Variants in CHGB observed in about 807,000 individuals in gnomAD.
CHGB encodes the protein secretogranin-1.
A neutral mutation model predicts 69.9 loss-of-function variants in CHGB; 46 were observed. That is an observed-to-expected ratio of 0.66 (90% confidence interval 0.52 to 0.84). CHGB has a LOEUF of 0.84. Among genes scored for constraint, CHGB ranks in the 40% least tolerant of loss-of-function variants. The pLI is 0.00. For synonymous variants in CHGB, 312 were observed against 298.2 expected, an observed-to-expected ratio of 1.05 and a Z score of -0.48; for missense variants, 796 against 822.2, an observed-to-expected ratio of 0.97 and a Z score of 0.39.
Position 5,923,602 on chromosome 20 carries a change from G to A in CHGB, c.1458G>A (p.Gln486=). Residue 486 remains glutamine (Q), a synonymous_variant, in exon 4 of 5, where the codon CAG becomes CAA. Transcript: ENST00000378961. The stretch of plus-strand genomic sequence containing the variant: ...GAGCCCCAGGGAAGTGGCAGCAGCA[G>A]GGAGACCTGCAGGACACTAAAGAAA... The part of the protein sequence containing the change: ...EEGAPGKWQQ[Q]GDLQDTKENR... 2 of 1,614,106 alleles carry A rather than the reference G, an allele frequency of 1.2e-6. No individual in the cohort carries two copies.
chr20:5,918,774 G>A (rs1284679770), intron 3 of CHGB, among the ~76,000 whole-genome samples: 5 of 117,150 alleles, frequency 4.3e-5, no homozygotes, highest in African/African-American at 1.3e-4. Flanking sequence ...ATTGCCCCAC[G>A]GCATTCCAGC....
rs2088543622 is a variant in CHGB, at chr20:5,925,277, A to G, written c.*228A>G. 1 of 375,102 alleles carries G rather than the reference A, an allele frequency of 2.7e-6. No individual in the cohort carries two copies. The highest frequency in any genetic ancestry group is 4.9e-6 in the Non-Finnish European group (1 of 205,784). The allele number at this position is 375,102 out of a possible 1,614,324, so 23.2% of individuals were successfully genotyped here. On this transcript the variant is annotated 3_prime_UTR_variant, in exon 5 of 5. Transcript: ENST00000378961. Reference sequence around the variant, plus strand: ...TTTTCTGCAAAATAGACATATTAACATGCTTATGACAATGACTGTGCTACT... The same window carrying G: ...TTTTCTGCAAAATAGACATATTAACGTGCTTATGACAATGACTGTGCTACT...
Position 5,925,169 on chromosome 20 carries a change from A to G in CHGB, c.*120A>G, listed in dbSNP as rs567825945. Reference sequence around the variant, plus strand: ...CAGAAAGTAGAACTTACTATTCATTAAATGTTTGACACAATTGGAATTGTC... The same window carrying G: ...CAGAAAGTAGAACTTACTATTCATTGAATGTTTGACACAATTGGAATTGTC... On this transcript the variant is annotated 3_prime_UTR_variant, in exon 5 of 5. Transcript: ENST00000378961. The G allele has an allele frequency of 5.0e-6, 3 of 601,150 alleles. No homozygotes were observed. In the East Asian group the frequency reaches 8.7e-5, roughly 18 times the overall value. 37.2% of individuals were successfully genotyped at this position (601,150 alleles called of 1,614,324 possible).
In CHGB at chr20:5,923,085, C is replaced by T; in HGVS notation, c.941C>T (p.Ser314Leu). The T allele has an allele frequency of 6.2e-7, 1 of 1,614,058 alleles. No individual in the cohort carries two copies. Among genetic ancestry groups the T allele is most frequent in the Non-Finnish European group, 8.5e-7 (1 of 1,180,024 alleles). The change falls in exon 4 of 5, where the codon TCA becomes TTA. Residue 314 changes from serine to leucine, a missense_variant. Coordinates refer to ENST00000378961, the MANE Select transcript of CHGB (RefSeq NM_001819.3). The part of the protein sequence containing the change: ...KGHPQEESEE[S>L]NVSMASLGEK... ...CACCCCCAGGAGGAATCTGAGGAGT[C>T]AAACGTCAGCATGGCCAGTTTAGGG...
intron 3 of CHGB, among the ~76,000 whole-genome samples, chr20:5,918,988 C>T (rs6038320): frequency 3.2e-4 from 49 of 152,200 alleles, no homozygotes; most frequent in African/African-American, 1.0e-3. Flanking sequence ...GAGTTTCTTT[C>T]CAACTTCTTT....
In CHGB at chr20:5,922,378, C is replaced by T. The variant is rs1248595428; in HGVS notation, c.234C>T (p.Asn78=). 1 of 1,568,594 alleles carries T rather than the reference C, an allele frequency of 6.4e-7. No homozygotes were observed. Among genetic ancestry groups the T allele is most frequent in the East Asian group, 2.3e-5 (1 of 43,946 alleles). ...VKDKETTENE[N]TKFEVRLLRD... ...ACAAAGAGACAACTGAAAATGAAAACACAAAGTTTGAAGTAAGATTGTTAA... is the reference window on the plus strand; with the variant it reads ...ACAAAGAGACAACTGAAAATGAAAATACAAAGTTTGAAGTAAGATTGTTAA... Residue 78 remains asparagine, a synonymous_variant, in exon 4 of 5, where the codon AAC becomes AAT. Transcript: ENST00000378961.
At chr20:5,914,941 A>G (rs796284308) in intron 1 of CHGB, among the ~76,000 whole-genome samples, 91 of 152,342 alleles carry the variant, frequency 6.0e-4, no homozygotes, top group African/African-American at 2.0e-3. Context: ...GGGGTGGGGA[A>G]TGTTTAAAGA....
intron 4 of CHGB, 52 bp from the exon 5 acceptor site, chr20:5,924,920 G>A: frequency 1.8e-6 from 2 of 1,142,080 alleles, no homozygotes. Context: ...TCAAACTACA[G>A]CAAAAGAAAT....
intron 4 of CHGB, 61 bp downstream of exon 4, chr20:5,924,161 CA>C: frequency 1.4e-6 from 2 of 1,472,458 alleles, no homozygotes; most frequent in Non-Finnish European, 1.8e-6. Flanking sequence ...ACATTATGTT[CA>C]AGACTATCCG....
At position 5,922,761 on chromosome 20, in the gene CHGB, C is replaced by T. The variant is rs1192182572; in HGVS notation, c.617C>T (p.Ser206Leu). The change falls in exon 4 of 5, where the codon TCA (serine) becomes TTA (leucine). Residue 206 changes from serine to leucine, a missense_variant. By Grantham distance (145) the Ser-to-Leu change is moderately radical. Coordinates refer to ENST00000378961, the MANE Select transcript of CHGB (RefSeq NM_001819.3). Reference protein sequence around the residue: ...NAFLNERKQASAIKKEELVAR... With the variant: ...NAFLNERKQALAIKKEELVAR... ...TTTCTCAATGAAAGAAAGCAGGCTTCAGCTATAAAAAAAGAGGAGTTAGTG... is the reference window on the plus strand; with the variant it reads ...TTTCTCAATGAAAGAAAGCAGGCTTTAGCTATAAAAAAAGAGGAGTTAGTG... 1.2e-5 allele frequency: 20 copies of T among 1,614,026 alleles called. No individual in the cohort carries two copies. Among genetic ancestry groups the T allele is most frequent in the Non-Finnish European group, 1.7e-5 (20 of 1,180,008 alleles).
In CHGB at chr20:5,923,167, TGGA is replaced by T. The variant is rs1036406459; in HGVS notation, c.1025_1027del (p.Gly342del). ...GGGCTTCAGAGGAAGAACCTGAATA[TGGA>T]GAAGAAATAAAGGGTTATCCAGGCG... is the stretch of plus-strand genomic sequence containing the variant. On this transcript the variant is annotated inframe_deletion, in exon 4 of 5. Transcript: ENST00000378961. The T allele has an allele frequency of 6.2e-7, 1 of 1,613,656 alleles. No individual in the cohort carries two copies. Among genetic ancestry groups the T allele is most frequent in the Middle Eastern group, 1.6e-4 (1 of 6,062 alleles).
chr20:5,924,032 G>C lies in CHGB; in HGVS notation c.1888G>C (p.Val630Leu), dbSNP rs1265374977. Reference sequence around the variant, plus strand: ...AGACTTCTATGATTCTGAGGAGCCGGTGAGCACCCACCAGGAGGCAGAAAA... The same window carrying C: ...AGACTTCTATGATTCTGAGGAGCCGCTGAGCACCCACCAGGAGGCAGAAAA... ...FPDFYDSEEP[V>L]STHQEAENEK... Residue 630 changes from valine to leucine, a missense_variant, in exon 4 of 5, where the codon GTG becomes CTG. Transcript: ENST00000378961. 6.2e-7 allele frequency: 1 copy of C among 1,613,640 alleles called. No homozygotes were observed. Among genetic ancestry groups the C allele is most frequent in the East Asian group, 2.2e-5 (1 of 44,886 alleles).
intron 3 of CHGB, among the ~76,000 whole-genome samples, chr20:5,921,435 A>G (rs1203861611): frequency 6.6e-6 from 1 of 152,204 alleles, no homozygotes; most frequent in Non-Finnish European, 1.5e-5. Context: ...CCAGCTAACA[A>G]CTGAGACAAT....
rs1600215358 is a variant in CHGB, at chr20:5,923,953, G to T, written c.1809G>T (p.Arg603Ser). 3 of 1,614,082 alleles carry T rather than the reference G, an allele frequency of 1.9e-6. No homozygotes were observed. Among genetic ancestry groups the T allele is most frequent in the African/African-American group, 1.3e-5 (1 of 75,016 alleles). ...TGGACCTGAAAAGGCAATATGACAGGGTGGCCCAACTGGACCAGCTCCTTC... is the reference window on the plus strand; with the variant it reads ...TGGACCTGAAAAGGCAATATGACAGTGTGGCCCAACTGGACCAGCTCCTTC... ...PKLDLKRQYD[R>S]VAQLDQLLHY... Residue 603 changes from arginine to serine, a missense_variant, in exon 4 of 5, where the codon AGG becomes AGT. By Grantham distance (110) the Arg-to-Ser change is moderately radical. This residue lies in a region of CHGB where 274 missense variants were observed against 298.9 expected (regional missense o/e 0.92). Coordinates refer to ENST00000378961, the MANE Select transcript of CHGB (RefSeq NM_001819.3).
Position 5,923,725 on chromosome 20 carries a change from C to T in CHGB, c.1581C>T (p.Asp527=). The part of the protein sequence containing the change: ...RLGELFNPYY[D]PLQWKSSHFE... Reference sequence around the variant, plus strand: ...GGGAACTGTTCAACCCATACTACGACCCTCTCCAGTGGAAGAGCAGCCATT... The same window carrying T: ...GGGAACTGTTCAACCCATACTACGATCCTCTCCAGTGGAAGAGCAGCCATT... Residue 527 remains aspartate, a synonymous_variant, in exon 4 of 5, where the codon GAC becomes GAT. Coordinates refer to ENST00000378961, the MANE Select transcript of CHGB (RefSeq NM_001819.3). The T allele has an allele frequency of 6.2e-7, 1 of 1,614,154 alleles. No homozygotes were observed. The highest frequency in any genetic ancestry group is 1.1e-5 in the South Asian group (1 of 91,072).
At chr20:5,913,016 G>A (rs2088455028) in intron 1 of CHGB, among the ~76,000 whole-genome samples, 1 of 152,014 alleles carries the variant, frequency 6.6e-6, no homozygotes, top group African/African-American at 2.4e-5. Context: ...AATTATTTCT[G>A]GTCAAAATAC....
intron 3 of CHGB, among the ~76,000 whole-genome samples, chr20:5,919,753 T>C (rs1258997089): frequency 3.9e-5 from 6 of 152,186 alleles, no homozygotes. Context: ...CGTAAACTGA[T>C]CAGAAGACTG....
rs2088542385 is a variant in CHGB at position 5,925,095 on chromosome 20, A to G, written c.*46A>G. 1 of 1,370,712 alleles carries G rather than the reference A, an allele frequency of 7.3e-7. No individual in the cohort carries two copies. The allele number at this position is 1,370,712 out of a possible 1,614,324, so 84.9% of individuals were successfully genotyped here. A position where few individuals can be genotyped will look rare whatever the true frequency, so the allele number is the denominator to read the frequency against. On this transcript the variant is annotated 3_prime_UTR_variant, in exon 5 of 5. Coordinates refer to ENST00000378961, the MANE Select transcript of CHGB (RefSeq NM_001819.3). ...ACTGTTAAGAAGCAGCCATCACATG[A>G]TCTGTTTTTCACCACTTCACTGAAA...
At position 5,923,505 on chromosome 20, in the gene CHGB, A is replaced by G. The variant is rs1343509984; in HGVS notation, c.1361A>G (p.Asp454Gly). 4 of 1,614,170 alleles carry G rather than the reference A, an allele frequency of 2.5e-6. No homozygotes were observed. Among genetic ancestry groups the G allele is most frequent in the Non-Finnish European group, 3.4e-6 (4 of 1,180,034 alleles). ...CACCGTGTCCAAGAAAACCAGATGGACAAGGCAAGGAGGCATCCACAAGGT... is the reference window on the plus strand; with the variant it reads ...CACCGTGTCCAAGAAAACCAGATGGGCAAGGCAAGGAGGCATCCACAAGGT... Reference protein sequence around the residue: ...GHHRVQENQMDKARRHPQGAW... With the variant: ...GHHRVQENQMGKARRHPQGAW... Residue 454 changes from aspartate to glycine, a missense_variant, in exon 4 of 5, where the codon GAC becomes GGC. By Grantham distance (94) the Asp-to-Gly change is moderately conservative. Transcript: ENST00000378961.
Sources: allele counts gnomAD v4.1 joint callset (sites outside exome capture counted in the v4.1 genomes callset), GRCh38; gene constraint gnomAD v4.1.1; regional missense constraint gnomAD v4.1.1; transcripts MANE v1.5; gene names NCBI Gene and HGNC (gene_info 2026-07-23, HGNC 2026-07-21).